THSD7B: variants seen among roughly 807,000 people sequenced by gnomAD.
THSD7B encodes thrombospondin type 1 domain containing 7B.
THSD7B carries 138 observed loss-of-function variants against 213.6 expected under a neutral mutation model. That is an observed-to-expected ratio of 0.65 (90% CI 0.56 to 0.74). The LOEUF (loss-of-function observed/expected upper bound fraction) is 0.74, where lower values mean the gene tolerates loss of function less well. Ranked by LOEUF, THSD7B falls within the 30% of genes least tolerant of loss-of-function variation. The pLI, the probability that THSD7B is intolerant of heterozygous loss-of-function variation, is 0.00. For synonymous variants in THSD7B, 742 were observed against 687.0 expected, an observed-to-expected ratio of 1.08 and a Z score of -1.25; for missense variants, 1,931 against 1,991.5, an observed-to-expected ratio of 0.97 and a Z score of 0.58.
At chr2:137,260,657 C>A (rs1682421958) in intron 10 of THSD7B, among the ~76,000 whole-genome samples, 1 of 152,106 alleles carries the variant, frequency 6.6e-6, no homozygotes, top group Non-Finnish European at 1.5e-5. Context: ...CCCAGCTACT[C>A]TGGAGGCTGA....
intron 2 of THSD7B, among the ~76,000 whole-genome samples, chr2:136,980,078 C>G (rs951377949): frequency 6.6e-6 from 1 of 152,114 alleles, no homozygotes; most frequent in Non-Finnish European, 1.5e-5. Flanking sequence ...ACCTGGGTCT[C>G]TCCTGCACCT....
chr2:137,333,518 A>G (rs1684564026), intron 12 of THSD7B, among the ~76,000 whole-genome samples: 1 of 152,132 alleles, frequency 6.6e-6, no homozygotes, highest in Non-Finnish European at 1.5e-5. Flanking sequence ...CAGTTTCTAG[A>G]ACACTCATTG....
At chr2:137,154,242 A>T (rs1679868327) in intron 5 of THSD7B, among the ~76,000 whole-genome samples, 1 of 152,228 alleles carries the variant, frequency 6.6e-6, no homozygotes, top group African/African-American at 2.4e-5. Context: ...GCTGGGGAAA[A>T]AAATTAGTAT....
chr2:137,013,038 C>CT lies in THSD7B; in HGVS notation c.140-43374dup, dbSNP rs376443613. 2.8e-3 allele frequency among the ~76,000 whole-genome samples: 430 copies of CT among 152,056 alleles called. 4 individuals carry two copies. The highest frequency in any genetic ancestry group is 9.8e-3 in the African/African-American group (408 of 41,490). ...ACTCAATGAAATGAATGTTTATTTA[C>CT]TTTTTTTTCAGGTGAACAAGACTAT... On this transcript the variant is annotated intron_variant, in intron 2 of 27. Transcript: ENST00000409968.
intron 8 of THSD7B, 23 bp downstream of exon 8, chr2:137,231,258 A>C (rs1201510622): frequency 6.3e-7 from 1 of 1,577,690 alleles, no homozygotes; most frequent in South Asian, 1.2e-5. Context: ...AAAGGTTTTC[A>C]CTTTGGATTC....
intron 3 of THSD7B, among the ~76,000 whole-genome samples, chr2:137,074,133 A>G (rs140581809): frequency 0.063 from 8,940 of 142,334 alleles, 459 homozygotes; most frequent in African/African-American, 0.13. Context: ...CAATTCCTGG[A>G]TATCCTTGTT....
chr2:137,056,325 C>G (rs1687161817), intron 2 of THSD7B, 95 bp from the exon 3 acceptor site: 2 of 1,279,538 alleles, frequency 1.6e-6, no homozygotes. Context: ...TTTCATACTG[C>G]TTGTGTTGGA....
At chr2:137,083,668 T>A (rs981769697) in intron 3 of THSD7B, among the ~76,000 whole-genome samples, 5 of 152,156 alleles carry the variant, frequency 3.3e-5, no homozygotes, top group Non-Finnish European at 5.9e-5. Context: ...TTTGAATCTA[T>A]CTCAGTTCTG....
intron 15 of THSD7B, among the ~76,000 whole-genome samples, chr2:137,526,671 A>G (rs1388475774): frequency 3.3e-5 from 5 of 152,112 alleles, no homozygotes; most frequent in East Asian, 1.9e-4. Flanking sequence ...TGATCCATCC[A>G]CCTTAGCCTC....
chr2:136,802,589 C>T (rs1329015170), intron 1 of THSD7B, among the ~76,000 whole-genome samples: 1 of 136,296 alleles, frequency 7.3e-6, no homozygotes, highest in Non-Finnish European at 1.5e-5. Context: ...GGTATCCCTG[C>T]ATGTGTACTA....
chr2:137,606,299 C>G (rs971260367), intron 17 of THSD7B, among the ~76,000 whole-genome samples: 1 of 152,124 alleles, frequency 6.6e-6, no homozygotes, highest in Non-Finnish European at 1.5e-5. Flanking sequence ...AAGAATGGAC[C>G]TAGATCGAAG....
rs1680724833 is a variant in THSD7B, at chr2:137,546,425, T to TA, written c.3139-16795dup. On this transcript the variant is annotated intron_variant, in intron 15 of 27. Transcript: ENST00000409968. ...TATATTATATATATATTATATATAT[T>TA]ATATATATATTATATATATTATATA... Among the ~76,000 whole-genome samples, 3 of 18,674 alleles carry TA rather than the reference T, an allele frequency of 1.6e-4. 1 individual carries two copies. The highest frequency in any genetic ancestry group is 1.2e-3 in the African/African-American group (3 of 2,562). 12.3% of individuals were successfully genotyped at this position (18,674 alleles called of 152,430 possible).
At chr2:136,773,813 C>T (rs1292737255) in intron 1 of THSD7B, among the ~76,000 whole-genome samples, 2 of 151,542 alleles carry the variant, frequency 1.3e-5, no homozygotes, top group African/African-American at 4.8e-5. Context: ...TTTAACTGTA[C>T]ATAGTAGTCT....
At chr2:137,611,016 TAA>T (rs1010504957) in intron 17 of THSD7B, among the ~76,000 whole-genome samples, 1 of 147,466 alleles carries the variant, frequency 6.8e-6, no homozygotes, top group African/African-American at 2.5e-5. Context: ...AAATAAAAAA[TAA>T]AATAAAAAAT....
intron 10 of THSD7B, among the ~76,000 whole-genome samples, chr2:137,268,795 A>G (rs376630103): frequency 6.6e-6 from 1 of 152,126 alleles, no homozygotes. Context: ...CCCAGCCCCT[A>G]TTCAAGATGG....
chr2:137,501,840 G>A (rs1223834880), intron 15 of THSD7B, among the ~76,000 whole-genome samples: 1 of 152,160 alleles, frequency 6.6e-6, no homozygotes, highest in African/African-American at 2.4e-5. Flanking sequence ...TAATTGTGAG[G>A]GTAGTTAACA....
intron 17 of THSD7B, among the ~76,000 whole-genome samples, chr2:137,583,339 G>T (rs566604782): frequency 1.9e-4 from 29 of 152,224 alleles, no homozygotes; most frequent in African/African-American, 6.3e-4. Context: ...GCTCTTTAGT[G>T]TAATTAGATC....
chr2:137,189,993 C>T (rs1680625643), intron 7 of THSD7B, among the ~76,000 whole-genome samples: 1 of 152,128 alleles, frequency 6.6e-6, no homozygotes, highest in South Asian at 2.1e-4. Context: ...CCATCTAGTT[C>T]AGTCCTTAAA....
At chr2:137,538,094 G>A (rs558850712) in intron 15 of THSD7B, among the ~76,000 whole-genome samples, 4 of 151,810 alleles carry the variant, frequency 2.6e-5, no homozygotes, top group East Asian at 1.9e-4. Flanking sequence ...CAATTCTCAT[G>A]TCTTTTCCTG....
Sources: gnomAD v4.1 joint callset for allele counts (sites outside exome capture counted in the v4.1 genomes callset) on GRCh38, gnomAD v4.1.1 for gene constraint, MANE v1.5 for transcripts, NCBI Gene and HGNC (gene_info 2026-07-23, HGNC 2026-07-21) for gene names.